AGPAT4: variants seen among roughly 807,000 people sequenced by gnomAD.
The protein encoded by AGPAT4 is 1-acylglycerol-3-phosphate O-acyltransferase 4.
In AGPAT4, 15 loss-of-function variants were observed where a neutral mutation model predicts 48.0. That is an observed-to-expected ratio of 0.31 (90% CI 0.21 to 0.48). The LOEUF is 0.48. Ranked by LOEUF, AGPAT4 falls within the 20% of genes least tolerant of loss-of-function variation. The pLI is 0.99. For synonymous variants in AGPAT4, 178 were observed against 198.7 expected (o/e 0.90, Z 0.88); for missense variants, 314 against 482.5 (o/e 0.65, Z 3.27).
intron 1 of AGPAT4, among the ~76,000 whole-genome samples, chr6:161,252,994 T>C (rs1314977360): frequency 1.3e-5 from 2 of 151,864 alleles, no homozygotes; most frequent in Admixed American, 6.6e-5. Flanking sequence ...GGCAGGCAGA[T>C]CATGAGGTCA....
rs1486827178 is a variant in AGPAT4 at position 161,267,391 on chromosome 6, A to ACAAAT, written c.-90+6546_-90+6547insATTTG. Among the ~76,000 whole-genome samples the ACAAAT allele has an allele frequency of 6.6e-6, 1 of 152,174 alleles. No homozygotes were observed. Among genetic ancestry groups the ACAAAT allele is most frequent in the Admixed American group, 6.5e-5 (1 of 15,274 alleles). On this transcript the variant is annotated intron_variant, in intron 1 of 8. Coordinates refer to ENST00000320285, the MANE Select transcript of AGPAT4 (RefSeq NM_020133.3). This position sits in a 1 kb window ranked among gnomAD's most constrained non-coding sequence, Gnocchi z 5.2. Reference sequence around the variant, plus strand: ...GGATGAAAGGCATGCAGAGGTCTACACGGTAGAGATTTGTTCATTATTTGA... The same window carrying ACAAAT: ...GGATGAAAGGCATGCAGAGGTCTACACAAATCGGTAGAGATTTGTTCATTATTTGA...
chr6:161,240,939 G>A lies in AGPAT4; in HGVS notation c.-89-8637C>T, dbSNP rs913772104. On this transcript the variant is annotated intron_variant, in intron 1 of 8. Transcript: ENST00000320285. This position sits in a 1 kb window ranked among gnomAD's most constrained non-coding sequence, Gnocchi z 5.5. ...GACTGGATTTAACTGTCTTTGGGAC[G>A]AGCTCTAAGTAACATAGTCCTCAAT... Among the ~76,000 whole-genome samples the A allele has an allele frequency of 1.3e-5, 2 of 152,060 alleles. No individual in the cohort carries two copies. The highest frequency in any genetic ancestry group is 2.4e-5 in the African/African-American group (1 of 41,382).
chr6:161,186,288 G>A (rs1307543184), intron 2 of AGPAT4, among the ~76,000 whole-genome samples: 1 of 152,104 alleles, frequency 6.6e-6, no homozygotes, highest in Non-Finnish European at 1.5e-5. Flanking sequence ...CTACAAATCT[G>A]GGAATCAGAC....
chr6:161,144,988 A>G lies in AGPAT4; in HGVS notation c.843+1536T>C, dbSNP rs964811754. On this transcript the variant is annotated intron_variant, in intron 7 of 8. Transcript: ENST00000320285. The surrounding 1 kb of genome is among the most constrained non-coding windows in gnomAD (Gnocchi z 6.6). ...AGAGTGAAACTCAGTCTCAAAAAAA[A>G]AAAATAAAAAAAGTAACATTTTATA... Among the ~76,000 whole-genome samples, 2 of 151,570 alleles carry G rather than the reference A, an allele frequency of 1.3e-5. No homozygotes were observed.
chr6:161,181,184 G>A (rs891340882), intron 2 of AGPAT4, among the ~76,000 whole-genome samples: 1 of 152,154 alleles, frequency 6.6e-6, no homozygotes, highest in Admixed American at 6.5e-5. Context: ...GGTGTTAAGT[G>A]GGCCCCAGCA....
In AGPAT4 at chr6:161,223,790, G is replaced by A. The variant is rs949775981; in HGVS notation, c.178+8246C>T. On this transcript the variant is annotated intron_variant, in intron 2 of 8. Transcript: ENST00000320285. This position sits in a 1 kb window ranked among gnomAD's most constrained non-coding sequence, Gnocchi z 6.3. Reference sequence around the variant, plus strand: ...GGGCTGGGTTGTGCCAAAGTGAAAGGCTCTCCACTCAAAGACCTCCTGGCC... The same window carrying A: ...GGGCTGGGTTGTGCCAAAGTGAAAGACTCTCCACTCAAAGACCTCCTGGCC... Among the ~76,000 whole-genome samples, 1 of 152,104 alleles carries A rather than the reference G, an allele frequency of 6.6e-6. No individual in the cohort carries two copies. The highest frequency in any genetic ancestry group is 1.9e-4 in the East Asian group (1 of 5,176).
rs1779131283 is a variant in AGPAT4, at chr6:161,138,098, C to CTGGCACCTGCAGCTGCCCCGGACCCT, written c.1042+1298_1042+1323dup. On this transcript the variant is annotated intron_variant, in intron 8 of 8. Coordinates refer to ENST00000320285, the MANE Select transcript of AGPAT4 (RefSeq NM_020133.3). The surrounding 1 kb of genome is among the most constrained non-coding windows in gnomAD (Gnocchi z 4.8). ...GCTTGCCCCCGCCCTACCAGGGGCC[C>CTGGCACCTGCAGCTGCCCCGGACCCT]TGGCACCTGCAGCTGCCCCGGACCC... is the stretch of plus-strand genomic sequence containing the variant. Among the ~76,000 whole-genome samples, 1 of 152,210 alleles carries CTGGCACCTGCAGCTGCCCCGGACCCT rather than the reference C, an allele frequency of 6.6e-6. No individual in the cohort carries two copies. The highest frequency in any genetic ancestry group is 1.5e-5 in the Non-Finnish European group (1 of 68,040).
In AGPAT4 at chr6:161,195,235, G is replaced by A. The variant is rs1391867753; in HGVS notation, c.179-28818C>T. Among the ~76,000 whole-genome samples, 1 of 152,096 alleles carries A rather than the reference G, an allele frequency of 6.6e-6. No homozygotes were observed. Among genetic ancestry groups the A allele is most frequent in the Admixed American group, 6.5e-5 (1 of 15,270 alleles). ...TCATTTAACCGAAAACCAAGATGAA[G>A]GATAATTCAAGACAAGAAACTGGCA... On this transcript the variant is annotated intron_variant, in intron 2 of 8. Coordinates refer to ENST00000320285, the MANE Select transcript of AGPAT4 (RefSeq NM_020133.3). This position sits in a 1 kb window ranked among gnomAD's most constrained non-coding sequence, Gnocchi z 5.0.
Position 161,266,506 on chromosome 6 carries a change from T to G in AGPAT4, c.-90+7432A>C, listed in dbSNP as rs188096791. 2.1e-3 allele frequency among the ~76,000 whole-genome samples: 314 copies of G among 152,236 alleles called. 2 individuals carry two copies. The highest frequency in any genetic ancestry group is 3.4e-3 in the Middle Eastern group (1 of 294). On this transcript the variant is annotated intron_variant, in intron 1 of 8. Transcript: ENST00000320285. This position sits in a 1 kb window ranked among gnomAD's most constrained non-coding sequence, Gnocchi z 6.2. ...GCATCTAGAAAGAGTGACTGTTTTA[T>G]GAAGGGTGAATGGGGTGATGGGAGA...
Position 161,154,792 on chromosome 6 carries a change from T to C in AGPAT4, c.349-482A>G, listed in dbSNP as rs1011396308. Among the ~76,000 whole-genome samples the C allele has an allele frequency of 6.6e-6, 1 of 152,248 alleles. No individual in the cohort carries two copies. Among genetic ancestry groups the C allele is most frequent in the African/African-American group, 2.4e-5 (1 of 41,460 alleles). On this transcript the variant is annotated intron_variant, in intron 3 of 8. Transcript: ENST00000320285. This position sits in a 1 kb window ranked among gnomAD's most constrained non-coding sequence, Gnocchi z 7.8. ...TGAAAATGTCAAACGCTAGAAAATG[T>C]AGCATTCCTAGGTGTGAGGTTAACA...
intron 5 of AGPAT4, among the ~76,000 whole-genome samples, chr6:161,152,052 C>G (rs1474228455): frequency 6.6e-6 from 1 of 152,104 alleles, no homozygotes; most frequent in Non-Finnish European, 1.5e-5. Flanking sequence ...CTCGGTTCTG[C>G]AGGCCCAAGT....
At position 161,166,107 on chromosome 6, in the gene AGPAT4, A is replaced by T. The variant is rs1780088721; in HGVS notation, c.348+141T>A. 9.0e-7 allele frequency: 1 copy of T among 1,113,336 alleles called. No individual in the cohort carries two copies. The highest frequency in any genetic ancestry group is 1.3e-6 in the Non-Finnish European group (1 of 780,022). The allele number at this position is 1,113,336 out of a possible 1,614,324, so 69.0% of individuals were successfully genotyped here. ...AGACTGACTCCCAGCAAGAATAAAAAGCAGTTTATTAGGACCATTTCATCA... is the reference window on the plus strand; with the variant it reads ...AGACTGACTCCCAGCAAGAATAAAATGCAGTTTATTAGGACCATTTCATCA... On this transcript the variant is annotated intron_variant, in intron 3 of 8. Coordinates refer to ENST00000320285, the MANE Select transcript of AGPAT4 (RefSeq NM_020133.3). This position sits in a 1 kb window ranked among gnomAD's most constrained non-coding sequence, Gnocchi z 6.7.
rs1288320590 is a variant in AGPAT4, at chr6:161,158,737, G to A, written c.349-4427C>T. Reference sequence around the variant, plus strand: ...CAGCCTCTGGGGTGAAAAGGGATCGGAATGAGGCCATTCTAGTTAAGGTTT... The same window carrying A: ...CAGCCTCTGGGGTGAAAAGGGATCGAAATGAGGCCATTCTAGTTAAGGTTT... On this transcript the variant is annotated intron_variant, in intron 3 of 8. Coordinates refer to ENST00000320285, the MANE Select transcript of AGPAT4 (RefSeq NM_020133.3). This position sits in a 1 kb window ranked among gnomAD's most constrained non-coding sequence, Gnocchi z 5.3. Among the ~76,000 whole-genome samples, 1 of 152,198 alleles carries A rather than the reference G, an allele frequency of 6.6e-6. No homozygotes were observed. The highest frequency in any genetic ancestry group is 1.5e-5 in the Non-Finnish European group (1 of 68,042).
rs1020307063 is a variant in AGPAT4, at chr6:161,222,583, T to G, written c.178+9453A>C. ...AAGATTACGCATGAACAGATTTTTT[T>G]TTTTTTCAAATTCCAATTAACAGTT... On this transcript the variant is annotated intron_variant, in intron 2 of 8. Transcript: ENST00000320285. The surrounding 1 kb of genome is among the most constrained non-coding windows in gnomAD (Gnocchi z 5.9). 2.0e-5 allele frequency among the ~76,000 whole-genome samples: 3 copies of G among 152,216 alleles called. No homozygotes were observed. Among genetic ancestry groups the G allele is most frequent in the Non-Finnish European group, 2.9e-5 (2 of 68,042 alleles).
rs1225540261 is a variant in AGPAT4 at position 161,184,436 on chromosome 6, T to C, written c.179-18019A>G. On this transcript the variant is annotated intron_variant, in intron 2 of 8. Coordinates refer to ENST00000320285, the MANE Select transcript of AGPAT4 (RefSeq NM_020133.3). This position sits in a 1 kb window ranked among gnomAD's most constrained non-coding sequence, Gnocchi z 4.8. ...GGGGAGCATGGGGGAGAGGAAGGTG[T>C]GTGGAGGGAGATAGAGGGGCAGGTG... Among the ~76,000 whole-genome samples the C allele has an allele frequency of 6.6e-6, 1 of 151,508 alleles. No homozygotes were observed. The highest frequency in any genetic ancestry group is 1.5e-5 in the Non-Finnish European group (1 of 67,842).
At chr6:161,210,742 T>G (rs1399699734) in intron 2 of AGPAT4, among the ~76,000 whole-genome samples, 1 of 152,216 alleles carries the variant, frequency 6.6e-6, no homozygotes, top group East Asian at 1.9e-4. Context: ...AATTTCATAC[T>G]TATCCCTGCC....
In AGPAT4 at chr6:161,201,274, A is replaced by G. The variant is rs574078733; in HGVS notation, c.178+30762T>C. 3.9e-5 allele frequency among the ~76,000 whole-genome samples: 6 copies of G among 152,224 alleles called. No homozygotes were observed. The East Asian group carries it at 9.7e-4, about 24-fold the overall frequency. On this transcript the variant is annotated intron_variant, in intron 2 of 8. Coordinates refer to ENST00000320285, the MANE Select transcript of AGPAT4 (RefSeq NM_020133.3). The surrounding 1 kb of genome is among the most constrained non-coding windows in gnomAD (Gnocchi z 6.0). Reference sequence around the variant, plus strand: ...AAGAAGCCATTAATGAAAAATGACAATTTTCTCTGGGACTGGATTAATGAG... The same window carrying G: ...AAGAAGCCATTAATGAAAAATGACAGTTTTCTCTGGGACTGGATTAATGAG...
rs1218251776 is a variant in AGPAT4, at chr6:161,229,060, G to A, written c.178+2976C>T. The stretch of plus-strand genomic sequence containing the variant: ...TCTATTTGTCTTTTGTATCAGCATG[G>A]CCTTTTGCATGAGAGCTTTACCACG... On this transcript the variant is annotated intron_variant, in intron 2 of 8. Transcript: ENST00000320285. The surrounding 1 kb of genome is among the most constrained non-coding windows in gnomAD (Gnocchi z 6.0). Among the ~76,000 whole-genome samples, 1 of 151,922 alleles carries A rather than the reference G, an allele frequency of 6.6e-6. No individual in the cohort carries two copies. The highest frequency in any genetic ancestry group is 1.5e-5 in the Non-Finnish European group (1 of 67,996).
rs1342540456 is a variant in AGPAT4 at position 161,135,726 on chromosome 6, CATG to C, written c.*811_*813del. 1 of 152,308 alleles carries C rather than the reference CATG, an allele frequency of 6.6e-6. No homozygotes were observed. The highest frequency in any genetic ancestry group is 1.5e-5 in the Non-Finnish European group (1 of 68,084). 9.4% of individuals were successfully genotyped at this position (152,308 alleles called of 1,614,324 possible). A position where few individuals can be genotyped will look rare whatever the true frequency, so the allele number is the denominator to read the frequency against. ...CTGCAGAATGCCCAGGCTGTACGTT[CATG>C]ATGTTTGTGTTCAATTTCAAGATCC... On this transcript the variant is annotated 3_prime_UTR_variant, in exon 9 of 9. Coordinates refer to ENST00000320285, the MANE Select transcript of AGPAT4 (RefSeq NM_020133.3).
Sources: allele counts gnomAD v4.1 joint callset (sites outside exome capture counted in the v4.1 genomes callset), GRCh38; gene constraint gnomAD v4.1.1; non-coding constraint Gnocchi (gnomAD v3.1); transcripts MANE v1.5; gene names NCBI Gene and HGNC (gene_info 2026-07-23, HGNC 2026-07-21).